The following ABCC5 variants were observed in gnomAD, a reference collection of about 807,000 sequenced individuals.
ABCC5 encodes the protein ATP binding cassette subfamily C member 5, also known as ATP-binding cassette sub-family C member 5.
In ABCC5, 61 loss-of-function variants were observed where a neutral mutation model predicts 160.9. That is an observed-to-expected ratio of 0.38 (90% CI 0.31 to 0.47). The LOEUF (loss-of-function observed/expected upper bound fraction) is 0.47. ABCC5 is among the 20% of genes least tolerant of loss of function. ABCC5 has a pLI of 0.99. For synonymous variants in ABCC5, 666 were observed against 700.6 expected (o/e 0.95, Z 0.78); for missense variants, 1,308 against 1,813.3 (o/e 0.72, Z 5.06).
chr3:183,998,232 T>C (rs1720435499), intron 2 of ABCC5, among the ~76,000 whole-genome samples: 1 of 152,194 alleles, frequency 6.6e-6, no homozygotes, highest in Non-Finnish European at 1.5e-5. Flanking sequence ...TTTGCCCCAA[T>C]TAACTTTATT....
At chr3:183,990,880 T>G (rs1387793567) in intron 2 of ABCC5, among the ~76,000 whole-genome samples, 4 of 152,206 alleles carry the variant, frequency 2.6e-5, no homozygotes, top group African/African-American at 9.7e-5. Flanking sequence ...TAAAAGTAAC[T>G]CAAACGTTTA....
chr3:183,989,135 G>A (rs1719498723), intron 3 of ABCC5, 91 bp downstream of exon 3: 1 of 1,283,794 alleles, frequency 7.8e-7, no homozygotes, highest in African/African-American at 1.6e-5. Flanking sequence ...CATGCCACTG[G>A]CGACAGAGCA....
Position 183,961,575 on chromosome 3 carries a change from T to C in ABCC5, c.2315A>G (p.Asn772Ser), listed in dbSNP as rs1236694777. The change falls in exon 16 of 30, where the codon AAT (asparagine) becomes AGT (serine). Residue 772 changes from asparagine to serine, a missense_variant. Coordinates refer to ENST00000334444, the MANE Select transcript of ABCC5 (RefSeq NM_005688.4). ...AATGGTAGCATAGTCACCATTTAAA[T>C]TCATCAGTTCCTCATGGGTGCCTCT... Reference protein sequence around the residue: ...TERGTHEELMNLNGDYATIFN... With the variant: ...TERGTHEELMSLNGDYATIFN... 2 of 1,614,110 alleles carry C rather than the reference T, an allele frequency of 1.2e-6. No individual in the cohort carries two copies. Among genetic ancestry groups the C allele is most frequent in the African/African-American group, 2.7e-5 (2 of 74,940 alleles).
intron 2 of ABCC5, 119 bp from the exon 3 acceptor site, chr3:183,989,502 G>T: frequency 9.5e-7 from 1 of 1,047,756 alleles, no homozygotes; most frequent in Non-Finnish European, 1.4e-6. Context: ...GAAATTCCAA[G>T]CAAGGGTCAG....
rs201003374 is a variant in ABCC5, at chr3:183,949,771, C to A, written c.3209G>T (p.Gly1070Val). ...GLATIHAYNK[G>V]QEFLHRYQEL... ...GACAAACCTGTGCAGAAACTCCTGC[C>A]CTTTATTGTAGGCGTGGATGGTGGC... The change falls in exon 22 of 30, where the codon GGG becomes GTG. Residue 1070 changes from glycine to valine, a missense_variant. By Grantham distance (109) the Gly-to-Val change is moderately radical (BLOSUM62 -3). Around this residue, in one of 3 missense-constraint regions of ABCC5, gnomAD observed 1,142 missense variants for 1,527.1 expected, o/e 0.75. Coordinates refer to ENST00000334444, the MANE Select transcript of ABCC5 (RefSeq NM_005688.4). The surrounding 1 kb of genome is among the most constrained non-coding windows in gnomAD (Gnocchi z 4.2). 1 of 1,614,150 alleles carries A rather than the reference C, an allele frequency of 6.2e-7. No homozygotes were observed.
intron 16 of ABCC5, among the ~76,000 whole-genome samples, chr3:183,960,689 G>C (rs1338945858): frequency 1.3e-5 from 2 of 152,152 alleles, no homozygotes; most frequent in Non-Finnish European, 2.9e-5. Context: ...CCTGAGAACT[G>C]CCTATAACAG....
chr3:183,967,872 T>G, intron 11 of ABCC5, 106 bp from the exon 12 acceptor site: 1 of 924,594 alleles, frequency 1.1e-6, no homozygotes, highest in Non-Finnish European at 1.8e-6. Flanking sequence ...TACAGAACTG[T>G]CACCCTGATG....
intron 26 of ABCC5, among the ~76,000 whole-genome samples, chr3:183,929,995 G>A (rs745655414): frequency 2.0e-5 from 3 of 152,084 alleles, no homozygotes; most frequent in Non-Finnish European, 4.4e-5. Context: ...GGTGGAACAG[G>A]TATTTGGTGG....
chr3:183,945,819 G>C (rs769428747), intron 24 of ABCC5, 31 bp downstream of exon 24: 8 of 1,591,584 alleles, frequency 5.0e-6, no homozygotes, highest in Admixed American at 5.0e-5. Flanking sequence ...AGAGGAGTCA[G>C]ATCACGGTAA....
chr3:183,991,383 G>A (rs923113627), intron 2 of ABCC5, among the ~76,000 whole-genome samples: 6 of 151,970 alleles, frequency 3.9e-5, no homozygotes, highest in African/African-American at 1.5e-4. Context: ...AAGTTAAGTG[G>A]TTTAGCACCT....
In ABCC5 at chr3:183,988,605, G is replaced by A; in HGVS notation, c.410C>T (p.Ser137Phe). ...GTTCACGTCAGAAGACTCGTGCTTG[G>A]ACAGAGACCACACGTCTTCCATTGA... Reference protein sequence around the residue: ...ELSMEDVWSLSKHESSDVNCR... With the variant: ...ELSMEDVWSLFKHESSDVNCR... Residue 137 changes from serine to phenylalanine, a missense_variant, in exon 4 of 30, where the codon TCC becomes TTC. This residue lies in a region of ABCC5 where 1,142 missense variants were observed against 1,527.1 expected (regional missense o/e 0.75). Transcript: ENST00000334444. This position sits in a 1 kb window ranked among gnomAD's most constrained non-coding sequence, Gnocchi z 4.4. 6.2e-7 allele frequency: 1 copy of A among 1,614,222 alleles called. No individual in the cohort carries two copies. The highest frequency in any genetic ancestry group is 8.5e-7 in the Non-Finnish European group (1 of 1,180,042).
intron 11 of ABCC5, among the ~76,000 whole-genome samples, chr3:183,969,181 C>A (rs1357315480): frequency 6.6e-6 from 1 of 152,158 alleles, no homozygotes; most frequent in Non-Finnish European, 1.5e-5. Context: ...TTCCCTAAAG[C>A]AAAGGCCCAG....
At chr3:183,952,123 T>C in intron 18 of ABCC5, 120 bp from the exon 19 acceptor site, 1 of 875,796 alleles carries the variant, frequency 1.1e-6, no homozygotes, top group African/African-American at 1.7e-5. Flanking sequence ...CCCTGGGACC[T>C]GGTCATGGCT....
intron 17 of ABCC5, among the ~76,000 whole-genome samples, chr3:183,953,533 C>T (rs1025587112): frequency 2.6e-5 from 4 of 152,116 alleles, no homozygotes; most frequent in African/African-American, 9.7e-5. Flanking sequence ...GAGCCTGCCA[C>T]AGACTGGTAG....
chr3:183,990,332 C>A (rs1171679721), intron 2 of ABCC5, among the ~76,000 whole-genome samples: 1 of 152,126 alleles, frequency 6.6e-6, no homozygotes, highest in African/African-American at 2.4e-5. Flanking sequence ...GTCTTGATCT[C>A]TTGACCTCGT....
chr3:183,984,611 T>C, intron 5 of ABCC5: 2 of 1,393,856 alleles, frequency 1.4e-6, no homozygotes, highest in Non-Finnish European at 1.9e-6. Flanking sequence ...AATAACCTGA[T>C]CAAATAGGAG....
chr3:183,979,070 C>T (rs567609196), intron 8 of ABCC5, among the ~76,000 whole-genome samples: 1 of 152,236 alleles, frequency 6.6e-6, no homozygotes, highest in East Asian at 1.9e-4. Context: ...AGGCCAGGTG[C>T]GGTGGCTCAT....
intron 26 of ABCC5, among the ~76,000 whole-genome samples, chr3:183,936,176 C>T (rs944361581): frequency 6.6e-6 from 1 of 152,140 alleles, no homozygotes; most frequent in African/African-American, 2.4e-5. Context: ...GCATGCACCA[C>T]AGGCACACAC....
chr3:183,929,766 G>T (rs1334951791), intron 26 of ABCC5, among the ~76,000 whole-genome samples: 1 of 151,802 alleles, frequency 6.6e-6, no homozygotes, highest in Non-Finnish European at 1.5e-5. Flanking sequence ...TTTTACAGGC[G>T]CATGCCACGT....
Sources: allele counts gnomAD v4.1 joint callset (sites outside exome capture counted in the v4.1 genomes callset), GRCh38; gene constraint gnomAD v4.1.1; regional missense constraint gnomAD v4.1.1; non-coding constraint Gnocchi (gnomAD v3.1); transcripts MANE v1.5; gene names NCBI Gene and HGNC (gene_info 2026-07-23, HGNC 2026-07-21).